EPHX1: variants seen among roughly 807,000 people sequenced by gnomAD.
EPHX1 encodes epoxide hydrolase 1.
EPHX1 carries 40 observed loss-of-function variants against 43.2 expected under a neutral mutation model. That is an observed-to-expected ratio of 0.93 (90% CI 0.72 to 1.21). EPHX1 has a LOEUF of 1.21. EPHX1 is among the 50% of genes most tolerant of loss of function. EPHX1 has a pLI of 0.00. For missense variants in EPHX1, 550 were observed against 570.4 expected (o/e 0.96, Z 0.36); for synonymous variants, 221 against 226.7 (o/e 0.98, Z 0.22).
chr1:225,833,650 C>T (rs569187260), intron 3 of EPHX1, among the ~76,000 whole-genome samples: 13 of 151,604 alleles, frequency 8.6e-5, no homozygotes, highest in Middle Eastern at 3.4e-3. Flanking sequence ...AAAAAATTAG[C>T]CAGGTGTGGT....
At chr1:225,838,021 C>A (rs1668062531) in intron 3 of EPHX1, among the ~76,000 whole-genome samples, 1 of 152,166 alleles carries the variant, frequency 6.6e-6, no homozygotes, top group East Asian at 1.9e-4. Flanking sequence ...AGTTTATCCT[C>A]CCAGACTTTT....
chr1:225,843,945 G>C (rs1457148712), intron 7 of EPHX1, among the ~76,000 whole-genome samples: 1 of 152,212 alleles, frequency 6.6e-6, no homozygotes, highest in Non-Finnish European at 1.5e-5. Context: ...CAGGGTTTGA[G>C]TGAGGAAGGT....
chr1:225,839,369 G>GTA (rs1163608034), intron 5 of EPHX1, 23 bp downstream of exon 5: 11 of 697,040 alleles, frequency 1.6e-5, no homozygotes, highest in African/African-American at 2.3e-5. Context: ...TTGGGGTGGT[G>GTA]TGTGTGTGTG....
chr1:225,827,019 G>C (rs1312908895), intron 1 of EPHX1, among the ~76,000 whole-genome samples: 1 of 152,260 alleles, frequency 6.6e-6, no homozygotes, highest in South Asian at 2.1e-4. Flanking sequence ...CATCGCCCTG[G>C]GTGGATTTCT....
chr1:225,839,338 G>C lies in EPHX1; in HGVS notation c.714G>C (p.Leu238=), dbSNP rs879042054. The change falls in exon 5 of 9, where the codon CTG becomes CTC. Residue 238 remains leucine (L), a synonymous_variant. Coordinates refer to ENST00000272167, the MANE Select transcript of EPHX1 (RefSeq NM_001136018.4). ...TGATCTGCACTAATATGGCCCAGCT[G>C]GTGCCCAGGTGAGGTCACTGTTGGG... is the stretch of plus-strand genomic sequence containing the variant. ...GSLICTNMAQ[L]VPSHVKGLHL... 1.2e-6 allele frequency: 2 copies of C among 1,613,436 alleles called. No individual in the cohort carries two copies. Among genetic ancestry groups the C allele is most frequent in the South Asian group, 2.2e-5 (2 of 91,056 alleles).
intron 5 of EPHX1, 127 bp from the exon 6 acceptor site, chr1:225,839,702 C>A: frequency 9.4e-7 from 1 of 1,064,344 alleles, no homozygotes; most frequent in Non-Finnish European, 1.4e-6. Flanking sequence ...CCCAGTGGGG[C>A]CAGTGCTGAA....
In EPHX1 at chr1:225,844,629, C is replaced by T. The variant is rs375479245; in HGVS notation, c.1166+6C>T. On this transcript the variant is annotated splice_donor_region_variant and intron_variant, in intron 8 of 8. Transcript: ENST00000272167. The stretch of plus-strand genomic sequence containing the variant: ...ATGACCCAGAAGCATGAGCGGTGAG[C>T]CTGGCTGAGCCGAGAACAGGGGCCT... 38 of 1,613,684 alleles carry T rather than the reference C, an allele frequency of 2.4e-5. No individual in the cohort carries two copies. Among genetic ancestry groups the T allele is most frequent in the Non-Finnish European group, 3.0e-5 (35 of 1,179,982 alleles).
At chr1:225,833,025 A>G (rs920340652) in intron 3 of EPHX1, among the ~76,000 whole-genome samples, 9 of 152,324 alleles carry the variant, frequency 5.9e-5, no homozygotes, top group Non-Finnish European at 1.0e-4. Flanking sequence ...TGTGTTGCTC[A>G]GGCTGGAGTG....
At chr1:225,819,565 C>T (rs1164126608) in intron 1 of EPHX1, among the ~76,000 whole-genome samples, 1 of 152,030 alleles carries the variant, frequency 6.6e-6, no homozygotes, top group Non-Finnish European at 1.5e-5. Flanking sequence ...TTTGGAAGTT[C>T]AGCTGCCAGA....
At chr1:225,816,840 C>T (rs1158949877) in intron 1 of EPHX1, among the ~76,000 whole-genome samples, 2 of 152,202 alleles carry the variant, frequency 1.3e-5, no homozygotes, top group African/African-American at 4.8e-5. Flanking sequence ...GCTCCCTCAA[C>T]CACATTGGCA....
chr1:225,810,680 A>G (rs921430627), intron 1 of EPHX1: 4 of 146,002 alleles, frequency 2.7e-5, no homozygotes, highest in African/African-American at 7.6e-5. Context: ...GAGTCAGCCA[A>G]GGGAGATAGG....
At chr1:225,836,400 C>T (rs1291694505) in intron 3 of EPHX1, among the ~76,000 whole-genome samples, 1 of 152,134 alleles carries the variant, frequency 6.6e-6, no homozygotes, top group Non-Finnish European at 1.5e-5. Flanking sequence ...TTGAGACCAG[C>T]CTGGGCAACA....
At chr1:225,814,353 G>A (rs1395151863) in intron 1 of EPHX1, among the ~76,000 whole-genome samples, 1 of 152,208 alleles carries the variant, frequency 6.6e-6, no homozygotes, top group East Asian at 1.9e-4. Context: ...GGGCAACATA[G>A]CGAGACCCTG....
At chr1:225,838,566 C>T in intron 3 of EPHX1, 88 bp from the exon 4 acceptor site, 2 of 1,184,040 alleles carry the variant, frequency 1.7e-6, no homozygotes, top group Admixed American at 1.9e-5. Context: ...GGTGGCAGGA[C>T]TCAATATCTA....
At position 225,840,054 on chromosome 1, in the gene EPHX1, G is replaced by A; in HGVS notation, c.931+17G>A. The A allele has an allele frequency of 6.2e-7, 1 of 1,613,210 alleles. No individual in the cohort carries two copies. Among genetic ancestry groups the A allele is most frequent in the Non-Finnish European group, 8.5e-7 (1 of 1,179,650 alleles). On this transcript the variant is annotated intron_variant, in intron 6 of 8. Coordinates refer to ENST00000272167, the MANE Select transcript of EPHX1 (RefSeq NM_001136018.4). ...ACACCGTAGGTGAGTGTGCTCAGGG[G>A]TCCTCGCCCACTGCCGGCTCCACTG...
intron 3 of EPHX1, among the ~76,000 whole-genome samples, chr1:225,834,310 C>CA (rs1421589707): frequency 3.3e-5 from 5 of 151,500 alleles, no homozygotes; most frequent in Admixed American, 3.3e-4. Flanking sequence ...GAGGCTGAGG[C>CA]AAAAGAATTG....
At chr1:225,837,643 G>A (rs1449400295) in intron 3 of EPHX1, among the ~76,000 whole-genome samples, 3 of 151,990 alleles carry the variant, frequency 2.0e-5, no homozygotes, top group Non-Finnish European at 4.4e-5. Flanking sequence ...TCAGCCTCCC[G>A]AGTAGCTGGA....
rs1232374601 is a variant in EPHX1 at position 225,838,792 on chromosome 1, A to G, written c.503A>G (p.Lys168Arg). The change falls in exon 4 of 9, where the codon AAG becomes AGG. Residue 168 changes from lysine (K) to arginine (R), a missense_variant. By Grantham distance (26) the Lys-to-Arg change is conservative. Coordinates refer to ENST00000272167, the MANE Select transcript of EPHX1 (RefSeq NM_001136018.4). ...ATCATCCCACTCCTGACTGACCCCA[A>G]GAACCATGGCCTGAGCGATGAGCAC... ...YKIIPLLTDPKNHGLSDEHVF... is the reference protein window; with the variant it reads ...YKIIPLLTDPRNHGLSDEHVF... 6.2e-7 allele frequency: 1 copy of G among 1,614,078 alleles called. No individual in the cohort carries two copies. Among genetic ancestry groups the G allele is most frequent in the Admixed American group, 1.7e-5 (1 of 60,012 alleles).
chr1:225,822,828 G>A (rs1444360026), intron 1 of EPHX1, among the ~76,000 whole-genome samples: 1 of 152,212 alleles, frequency 6.6e-6, no homozygotes, highest in Non-Finnish European at 1.5e-5. Flanking sequence ...TGTCCTTGGT[G>A]AAGGCACATG....
Sources: gnomAD v4.1 joint callset for allele counts (sites outside exome capture counted in the v4.1 genomes callset) on GRCh38, gnomAD v4.1.1 for gene constraint, MANE v1.5 for transcripts, NCBI Gene and HGNC (gene_info 2026-07-23, HGNC 2026-07-21) for gene names.